Variants in NODAL observed in about 807,000 individuals in gnomAD.
NODAL encodes the protein nodal growth differentiation factor, also known as nodal homolog.
A neutral mutation model predicts 34.0 loss-of-function variants in NODAL; 12 were observed. That is an observed-to-expected ratio of 0.35 (90% CI 0.23 to 0.57). The LOEUF (loss-of-function observed/expected upper bound fraction) is 0.57. Among genes scored for constraint, NODAL ranks in the 20% least tolerant of loss-of-function variants. NODAL has a pLI of 0.83. For synonymous variants in NODAL, 162 were observed against 186.4 expected, an observed-to-expected ratio of 0.87 and a Z score of 1.07; for missense variants, 390 against 444.2, an observed-to-expected ratio of 0.88 and a Z score of 1.10.
chr10:70,433,130 G>A, intron 2 of NODAL, 42 bp from the exon 3 acceptor site: 1 of 1,609,788 alleles, frequency 6.2e-7, no homozygotes, highest in Non-Finnish European at 8.5e-7. Flanking sequence ...CATCCTGATG[G>A]GCAGGTCAGA....
At chr10:70,440,645 C>T (rs1262904256) in intron 1 of NODAL, among the ~76,000 whole-genome samples, 1 of 152,192 alleles carries the variant, frequency 6.6e-6, no homozygotes, top group Non-Finnish European at 1.5e-5. Context: ...GCAGCACCCA[C>T]CTGCTCGCCG....
chr10:70,433,672 C>T (rs1845301890), intron 2 of NODAL, among the ~76,000 whole-genome samples: 1 of 152,168 alleles, frequency 6.6e-6, no homozygotes, highest in Non-Finnish European at 1.5e-5. Context: ...ACCTCAGCCT[C>T]CCAAAATGCT....
At chr10:70,445,377 T>C (rs1295162409), upstream of NODAL, among the ~76,000 whole-genome samples, 1 of 152,118 alleles carries the variant, frequency 6.6e-6, no homozygotes, top group Non-Finnish European at 1.5e-5. Context: ...CCTGCCTCAG[T>C]ATCCTGAATA....
At chr10:70,437,129 G>A (rs1410160619) in intron 1 of NODAL, among the ~76,000 whole-genome samples, 3 of 152,324 alleles carry the variant, frequency 2.0e-5, no homozygotes, top group Non-Finnish European at 4.4e-5. Context: ...GAATAGCACA[G>A]ATTTGTGGAT....
intron 1 of NODAL, 134 bp downstream of exon 1, chr10:70,441,340 CG>C: frequency 1.1e-6 from 1 of 945,070 alleles, no homozygotes; most frequent in Non-Finnish European, 1.6e-6. Context: ...GCCCTGGGCT[CG>C]GGACGCCCGG....
chr10:70,440,727 C>A lies in NODAL; in HGVS notation c.193+748G>T, dbSNP rs541583023. On this transcript the variant is annotated intron_variant, in intron 1 of 2. Coordinates refer to ENST00000287139, the MANE Select transcript of NODAL (RefSeq NM_018055.5). ...TCAGATCCCTGCCGTCCTTGACACCCACTCCCCTGCAAATCATGGCCCCGA... is the reference window on the plus strand; with the variant it reads ...TCAGATCCCTGCCGTCCTTGACACCAACTCCCCTGCAAATCATGGCCCCGA... Among the ~76,000 whole-genome samples the A allele has an allele frequency of 9.1e-4, 139 of 152,320 alleles. 1 individual carries two copies. The highest frequency in any genetic ancestry group is 1.7e-3 in the Non-Finnish European group (117 of 68,006).
Position 70,441,516 on chromosome 10 carries a change from G to C in NODAL, c.152C>G (p.Pro51Arg). ...GCGGATGATGTCTGCCCTCGGCAGC[G>C]GGTCGCGGTAGAGGCTCAGCATGTA... Reference protein sequence around the residue: ...LAYMLSLYRDPLPRADIIRSL... With the variant: ...LAYMLSLYRDRLPRADIIRSL... Residue 51 changes from proline to arginine, a missense_variant, in exon 1 of 3, where the codon CCG becomes CGG. Coordinates refer to ENST00000287139, the MANE Select transcript of NODAL (RefSeq NM_018055.5). 2 of 1,595,094 alleles carry C rather than the reference G, an allele frequency of 1.3e-6. No individual in the cohort carries two copies. Among genetic ancestry groups the C allele is most frequent in the Non-Finnish European group, 1.7e-6 (2 of 1,172,298 alleles).
intron 1 of NODAL, among the ~76,000 whole-genome samples, chr10:70,447,061 G>C (rs938603711): frequency 6.4e-5 from 9 of 139,938 alleles, no homozygotes; most frequent in African/African-American, 2.3e-4. Flanking sequence ...ATTTAGCAGA[G>C]CCCTCTTCTT....
At chr10:70,438,310 T>C (rs1335357508) in intron 1 of NODAL, among the ~76,000 whole-genome samples, 2 of 151,950 alleles carry the variant, frequency 1.3e-5, no homozygotes, top group Non-Finnish European at 2.9e-5. Context: ...AAAGAAAAAC[T>C]TTATCTCAAC....
chr10:70,443,933 CTTT>C (rs560719151), upstream of NODAL, among the ~76,000 whole-genome samples: 4 of 143,862 alleles, frequency 2.8e-5, no homozygotes, highest in Non-Finnish European at 4.6e-5. Context: ...GTTGACTCCC[CTTT>C]TTTTTTTTTT....
intron 1 of NODAL, chr10:70,447,827 C>A: frequency 2.1e-6 from 1 of 468,194 alleles, no homozygotes; most frequent in African/African-American, 2.0e-5. Context: ...GCCCCAGCCC[C>A]TGGTTTATAA....
chr10:70,441,525 T>A lies in NODAL; in HGVS notation c.143A>T (p.Tyr48Phe). 1 of 1,595,374 alleles carries A rather than the reference T, an allele frequency of 6.3e-7. No individual in the cohort carries two copies. Residue 48 changes from tyrosine (Y) to phenylalanine (F), a missense_variant, in exon 1 of 3, where the codon TAC becomes TTC. By Grantham distance (22) the Tyr-to-Phe change is conservative (BLOSUM62 3). Coordinates refer to ENST00000287139, the MANE Select transcript of NODAL (RefSeq NM_018055.5). Reference protein sequence around the residue: ...PSPLAYMLSLYRDPLPRADII... With the variant: ...PSPLAYMLSLFRDPLPRADII... ...GTCTGCCCTCGGCAGCGGGTCGCGG[T>A]AGAGGCTCAGCATGTACGCCAGAGG...
chr10:70,439,421 C>T (rs951683980), intron 1 of NODAL, among the ~76,000 whole-genome samples: 1 of 152,182 alleles, frequency 6.6e-6, no homozygotes, highest in Non-Finnish European at 1.5e-5. Context: ...ACTGAGCACC[C>T]ACTCTACATT....
intron 1 of NODAL, among the ~76,000 whole-genome samples, chr10:70,437,370 G>T (rs912547476): frequency 6.6e-6 from 1 of 152,222 alleles, no homozygotes; most frequent in South Asian, 2.1e-4. Context: ...GAACCCAGGA[G>T]GTGGAGGTTG....
upstream of NODAL, among the ~76,000 whole-genome samples, chr10:70,442,147 C>T (rs1290303226): frequency 1.3e-5 from 2 of 152,222 alleles, no homozygotes. Context: ...TTGACACAAT[C>T]TGGCCGGCGC....
In NODAL at chr10:70,432,756, G is replaced by T; in HGVS notation, c.*180C>A. 1.4e-6 allele frequency: 1 copy of T among 690,222 alleles called. No individual in the cohort carries two copies. Among genetic ancestry groups the T allele is most frequent in the Non-Finnish European group, 2.6e-6 (1 of 389,706 alleles). The allele number at this position is 690,222 out of a possible 1,614,324, so 42.8% of individuals were successfully genotyped here. A position where few individuals can be genotyped will look rare whatever the true frequency, so the allele number is the denominator to read the frequency against. Reference sequence around the variant, plus strand: ...CTTCCTGACAGCAGCCTCTGTGCTTGGCCAGACTCCACTGAGCCCTTCATT... The same window carrying T: ...CTTCCTGACAGCAGCCTCTGTGCTTTGCCAGACTCCACTGAGCCCTTCATT... On this transcript the variant is annotated 3_prime_UTR_variant, in exon 3 of 3. Transcript: ENST00000287139.
intron 1 of NODAL, among the ~76,000 whole-genome samples, chr10:70,446,905 C>T (rs1191072342): frequency 6.6e-6 from 1 of 152,000 alleles, no homozygotes; most frequent in East Asian, 1.9e-4. Context: ...CAAAGCAGGG[C>T]CCCCAAACAC....
At chr10:70,437,271 C>T (rs531756882) in intron 1 of NODAL, among the ~76,000 whole-genome samples, 4 of 152,136 alleles carry the variant, frequency 2.6e-5, no homozygotes, top group South Asian at 2.1e-4. Context: ...GGAGAAACCC[C>T]GTCTCTACTA....
rs1334501117 is a variant in NODAL, at chr10:70,432,220, A to C, written c.*716T>G. On this transcript the variant is annotated 3_prime_UTR_variant, in exon 3 of 3. Transcript: ENST00000287139. ...AAACTCAGGCTGTGTCTGCCGAAGCAGACTGACGCAGGGATGTCTTCTGTA... is the reference window on the plus strand; with the variant it reads ...AAACTCAGGCTGTGTCTGCCGAAGCCGACTGACGCAGGGATGTCTTCTGTA... The C allele has an allele frequency of 3.3e-5, 5 of 153,402 alleles. No individual in the cohort carries two copies. The highest frequency in any genetic ancestry group is 3.8e-4 in the East Asian group (2 of 5,214). The allele number at this position is 153,402 out of a possible 1,614,324, so 9.5% of individuals were successfully genotyped here. A position where few individuals can be genotyped will look rare whatever the true frequency, so the allele number is the denominator to read the frequency against.
Sources: gnomAD v4.1 joint callset for allele counts (sites outside exome capture counted in the v4.1 genomes callset) on GRCh38, gnomAD v4.1.1 for gene constraint, MANE v1.5 for transcripts, NCBI Gene and HGNC (gene_info 2026-07-23, HGNC 2026-07-21) for gene names.